Variants in XIRP2 observed in about 807,000 individuals in gnomAD.
XIRP2 encodes xin actin-binding repeat-containing protein 2.
Under a neutral mutation model 277.0 loss-of-function variants are expected in XIRP2, and 236 were observed. The ratio of observed to expected loss-of-function variants is 0.85; its 90% CI spans 0.77 to 0.95. The LOEUF is 0.95. Among genes scored for constraint, XIRP2 ranks in the 40% least tolerant of loss-of-function variants. The pLI is 0.00. For synonymous variants in XIRP2, 1,490 were observed against 1,416.5 expected (o/e 1.05, Z -1.17); for missense variants, 4,640 against 4,157.5 (o/e 1.12, Z -3.19).
intron 3 of XIRP2, among the ~76,000 whole-genome samples, chr2:167,173,463 A>C (rs924296357): frequency 6.6e-6 from 1 of 152,324 alleles, no homozygotes; most frequent in African/African-American, 2.4e-5. Context: ...ACAGAATCTC[A>C]TTAATTTTCA....
At chr2:167,005,566 T>A (rs1055479819) in intron 2 of XIRP2, among the ~76,000 whole-genome samples, 1 of 151,824 alleles carries the variant, frequency 6.6e-6, no homozygotes, top group Non-Finnish European at 1.5e-5. Flanking sequence ...GATTTGGAGA[T>A]TATTCAACGT....
intron 2 of XIRP2, among the ~76,000 whole-genome samples, chr2:167,034,082 C>T (rs1688440784): frequency 6.6e-6 from 1 of 151,978 alleles, no homozygotes; most frequent in South Asian, 2.1e-4. Context: ...TGTTTCAAGA[C>T]ATAAACAATA....
At position 167,245,759 on chromosome 2, in the gene XIRP2, T is replaced by C; in HGVS notation, c.4367T>C (p.Phe1456Ser). The change falls in exon 9 of 11, where the codon TTT becomes TCT. Residue 1456 changes from phenylalanine (F) to serine (S), a missense_variant. By Grantham distance (155) the Phe-to-Ser change is radical. Coordinates refer to ENST00000409195, the MANE Select transcript of XIRP2 (RefSeq NM_152381.6). ...AATGTTAAAACATCTACTTGGCTAT[T>C]TGAAACCCACACTATGGATGAACTG... ...KGNVKTSTWL[F>S]ETHTMDELRG... 6.2e-7 allele frequency: 1 copy of C among 1,613,714 alleles called. No homozygotes were observed. The highest frequency in any genetic ancestry group is 8.5e-7 in the Non-Finnish European group (1 of 1,179,760).
chr2:167,224,608 AT>A (rs1001007099), intron 5 of XIRP2, among the ~76,000 whole-genome samples: 41 of 152,220 alleles, frequency 2.7e-4, no homozygotes, highest in African/African-American at 9.9e-4. Context: ...GCACCATTTA[AT>A]TTCTTCTAAA....
At chr2:166,902,293 A>G (rs1574063171) in intron 1 of XIRP2, among the ~76,000 whole-genome samples, 1 of 152,130 alleles carries the variant, frequency 6.6e-6, no homozygotes, top group East Asian at 1.9e-4. Flanking sequence ...TTTAATGAAC[A>G]CAAAGTTTGT....
chr2:167,254,503 G>A (rs1695605391), intron 10 of XIRP2, among the ~76,000 whole-genome samples: 1 of 151,906 alleles, frequency 6.6e-6, no homozygotes, highest in Non-Finnish European at 1.5e-5. Flanking sequence ...CACATTTTCT[G>A]TTAAGGTCTA....
In XIRP2 at chr2:167,248,920, C is replaced by A. The variant is rs960448249; in HGVS notation, c.7528C>A (p.Pro2510Thr). ...LSHTVPGTSA[P>T]RKKQIAPLIK... Reference sequence around the variant, plus strand: ...ACACACAGTTCCAGGAACTTCAGCACCCAGGAAAAAACAGATTGCGCCTCT... The same window carrying A: ...ACACACAGTTCCAGGAACTTCAGCAACCAGGAAAAAACAGATTGCGCCTCT... Residue 2510 changes from proline (P) to threonine (T), a missense_variant, in exon 9 of 11, where the codon CCC becomes ACC. Pro to Thr is a conservative substitution (Grantham distance 38, BLOSUM62 -1). Transcript: ENST00000409195. The A allele has an allele frequency of 1.9e-6, 3 of 1,613,608 alleles. No homozygotes were observed. The highest frequency in any genetic ancestry group is 1.3e-5 in the African/African-American group (1 of 74,844).
intron 2 of XIRP2, among the ~76,000 whole-genome samples, chr2:167,116,934 T>C (rs1170129567): frequency 6.6e-6 from 1 of 152,198 alleles, no homozygotes; most frequent in Non-Finnish European, 1.5e-5. Flanking sequence ...AGAAAATGGA[T>C]AAGTGTCCTT....
rs754801148 is a variant in XIRP2 at position 167,251,242 on chromosome 2, G to C, written c.9850G>C (p.Val3284Leu). ...KDGLNSTDHMVPDTESYDAVE... is the reference protein window; with the variant it reads ...KDGLNSTDHMLPDTESYDAVE... Reference sequence around the variant, plus strand: ...TGGACTAAATTCCACTGATCACATGGTGCCCGACACTGAAAGTTATGATGC... The same window carrying C: ...TGGACTAAATTCCACTGATCACATGCTGCCCGACACTGAAAGTTATGATGC... The change falls in exon 9 of 11, where the codon GTG becomes CTG. Residue 3284 changes from valine to leucine, a missense_variant. By Grantham distance (32) the Val-to-Leu change is conservative. Transcript: ENST00000409195. 1 of 1,613,546 alleles carries C rather than the reference G, an allele frequency of 6.2e-7. No individual in the cohort carries two copies. Among genetic ancestry groups the C allele is most frequent in the Admixed American group, 1.7e-5 (1 of 59,966 alleles).
At position 167,251,227 on chromosome 2, in the gene XIRP2, T is replaced by C. The variant is rs199990336; in HGVS notation, c.9835T>C (p.Ser3279Pro). The stretch of plus-strand genomic sequence containing the variant: ...TTATGTTCATAAAGATGGACTAAAT[T>C]CCACTGATCACATGGTGCCCGACAC... The part of the protein sequence containing the change: ...ATYVHKDGLN[S>P]TDHMVPDTES... Residue 3279 changes from serine to proline, a missense_variant, in exon 9 of 11, where the codon TCC becomes CCC. Coordinates refer to ENST00000409195, the MANE Select transcript of XIRP2 (RefSeq NM_152381.6). The C allele has an allele frequency of 1.8e-3, 2,907 of 1,613,548 alleles. 13 individuals carry two copies. Among genetic ancestry groups the C allele is most frequent in the South Asian group, 8.6e-3 (787 of 91,072 alleles).
chr2:167,039,148 G>A (rs1299701618), intron 2 of XIRP2, among the ~76,000 whole-genome samples: 7 of 151,924 alleles, frequency 4.6e-5, no homozygotes, highest in African/African-American at 1.7e-4. Context: ...TCACTCTGTA[G>A]AACAGGTACT....
intron 2 of XIRP2, among the ~76,000 whole-genome samples, chr2:166,920,043 C>T (rs1219787211): frequency 6.6e-6 from 1 of 152,022 alleles, no homozygotes; most frequent in Non-Finnish European, 1.5e-5. Flanking sequence ...TTTGAGTTTA[C>T]CGTTGAATGC....
At chr2:167,208,665 T>G (rs533588532) in intron 3 of XIRP2, among the ~76,000 whole-genome samples, 1 of 152,268 alleles carries the variant, frequency 6.6e-6, no homozygotes, top group Admixed American at 6.5e-5. Context: ...CACTGATTTC[T>G]TTTTGACAAA....
At chr2:167,184,726 C>A in intron 3 of XIRP2, 1 of 660,106 alleles carries the variant, frequency 1.5e-6, no homozygotes, top group Admixed American at 2.5e-5. Flanking sequence ...ATTATCTCTG[C>A]AATTGATGTC....
chr2:167,112,137 A>G (rs1053718370), intron 2 of XIRP2, among the ~76,000 whole-genome samples: 15 of 150,466 alleles, frequency 1.0e-4, no homozygotes, highest in South Asian at 2.1e-4. Context: ...TATCTTTGAT[A>G]TAGTTTTTTG....
intron 2 of XIRP2, among the ~76,000 whole-genome samples, chr2:166,997,432 T>C (rs557751870): frequency 6.6e-6 from 1 of 152,324 alleles, no homozygotes; most frequent in Non-Finnish European, 1.5e-5. Flanking sequence ...GGTAGGTTAG[T>C]TGCTAAGAAA....
In XIRP2 at chr2:167,033,483, C is replaced by G. The variant is rs1220579545; in HGVS notation, c.409-102426C>G. ...TCAATGCAATAAAAACAGAACTTTC[C>G]AAATCTGGAGAAATATATCAATATT... On this transcript the variant is annotated intron_variant, in intron 2 of 10. Coordinates refer to ENST00000409195, the MANE Select transcript of XIRP2 (RefSeq NM_152381.6). Among the ~76,000 whole-genome samples the G allele has an allele frequency of 2.0e-5, 3 of 151,820 alleles. No individual in the cohort carries two copies. The East Asian group carries it at 5.8e-4, about 29-fold the overall frequency.
chr2:166,903,472 T>A lies in XIRP2; in HGVS notation c.-11T>A. 1 of 1,607,890 alleles carries A rather than the reference T, an allele frequency of 6.2e-7. No homozygotes were observed. The highest frequency in any genetic ancestry group is 2.2e-5 in the East Asian group (1 of 44,766). ...GGATTCTTGATATTGCAGGACAACC[T>A]GGACCCATCCATGTTCCCAATGCAG... On this transcript the variant is annotated 5_prime_UTR_variant, in exon 2 of 11. Coordinates refer to ENST00000409195, the MANE Select transcript of XIRP2 (RefSeq NM_152381.6).
chr2:167,052,373 G>A (rs1221003331), intron 2 of XIRP2, among the ~76,000 whole-genome samples: 5 of 151,822 alleles, frequency 3.3e-5, no homozygotes, highest in East Asian at 1.9e-4. Context: ...CTCGTTTTTC[G>A]TGTTTCATTT....
Sources: gnomAD v4.1 joint callset for allele counts (sites outside exome capture counted in the v4.1 genomes callset) on GRCh38, gnomAD v4.1.1 for gene constraint, MANE v1.5 for transcripts, NCBI Gene and HGNC (gene_info 2026-07-23, HGNC 2026-07-21) for gene names.